The following MVB12B variants were observed in gnomAD, a reference collection of about 807,000 sequenced individuals.
MVB12B encodes the protein multivesicular body subunit 12B.
A neutral mutation model predicts 41.6 loss-of-function variants in MVB12B; 16 were observed. That is an observed-to-expected ratio of 0.38 (90% CI 0.26 to 0.58). MVB12B has a LOEUF of 0.58. MVB12B is among the 20% of genes least tolerant of loss of function. The pLI is 0.62. For synonymous variants in MVB12B, 133 were observed against 139.7 expected (o/e 0.95, Z 0.34); for missense variants, 274 against 380.2 (o/e 0.72, Z 2.32).
chr9:126,465,507 C>T (rs1341407894), intron 7 of MVB12B, among the ~76,000 whole-genome samples: 1 of 152,152 alleles, frequency 6.6e-6, no homozygotes, highest in Admixed American at 6.5e-5. Flanking sequence ...CTTCATTGCC[C>T]AAAAGCTGGG....
chr9:126,472,109 G>C (rs1034129688), intron 7 of MVB12B, among the ~76,000 whole-genome samples: 1 of 152,048 alleles, frequency 6.6e-6, no homozygotes, highest in Non-Finnish European at 1.5e-5. Flanking sequence ...GAGGGATAAG[G>C]GTTGGCGGCT....
At chr9:126,420,807 T>C (rs1831989661) in intron 6 of MVB12B, among the ~76,000 whole-genome samples, 1 of 151,636 alleles carries the variant, frequency 6.6e-6, no homozygotes, top group Middle Eastern at 3.2e-3. Context: ...CCTCCCAGAG[T>C]GCTGGGATTA....
chr9:126,458,164 G>T (rs1311424783), intron 7 of MVB12B, among the ~76,000 whole-genome samples: 1 of 152,096 alleles, frequency 6.6e-6, no homozygotes, highest in Non-Finnish European at 1.5e-5. Context: ...GTAACAGTCA[G>T]GAGACCCCTA....
intron 6 of MVB12B, among the ~76,000 whole-genome samples, chr9:126,421,049 G>A (rs560950433): frequency 2.5e-4 from 38 of 152,118 alleles, no homozygotes; most frequent in African/African-American, 8.7e-4. Flanking sequence ...AGGTTTTGTT[G>A]TTTTTTTCCC....
chr9:126,363,145 C>A lies in MVB12B; in HGVS notation c.205-17919C>A, dbSNP rs556196777. On this transcript the variant is annotated intron_variant, in intron 2 of 9. Coordinates refer to ENST00000361171, the MANE Select transcript of MVB12B (RefSeq NM_033446.3). ...GAGGTTGCAGTGAGCCGAGATTACACCATTGCACTCTAGCCTGGGTGACAG... is the reference window on the plus strand; with the variant it reads ...GAGGTTGCAGTGAGCCGAGATTACAACATTGCACTCTAGCCTGGGTGACAG... Among the ~76,000 whole-genome samples, 5 of 152,034 alleles carry A rather than the reference C, an allele frequency of 3.3e-5. No homozygotes were observed. In the South Asian group the frequency reaches 8.3e-4, roughly 25 times the overall value.
chr9:126,436,202 C>T lies in MVB12B; in HGVS notation c.757+14254C>T, dbSNP rs897312237. On this transcript the variant is annotated intron_variant, in intron 7 of 9. Coordinates refer to ENST00000361171, the MANE Select transcript of MVB12B (RefSeq NM_033446.3). The surrounding 1 kb of genome is among the most constrained non-coding windows in gnomAD (Gnocchi z 4.1). ...TTTTGCCAGGAGGCTCTCTCGTGTT[C>T]GGGCATTTGGGGTCCTTTCTGGTCT... Among the ~76,000 whole-genome samples, 1 of 152,176 alleles carries T rather than the reference C, an allele frequency of 6.6e-6. No homozygotes were observed.
At chr9:126,449,141 G>T (rs183063610) in intron 7 of MVB12B, among the ~76,000 whole-genome samples, 435 of 152,304 alleles carry the variant, frequency 2.9e-3, no homozygotes, top group Non-Finnish European at 4.8e-3. Context: ...GGCAGTTACT[G>T]AGGAAACTCC....
At chr9:126,439,389 C>G (rs955774438) in intron 7 of MVB12B, among the ~76,000 whole-genome samples, 1 of 152,192 alleles carries the variant, frequency 6.6e-6, no homozygotes, top group Admixed American at 6.5e-5. Context: ...AACACAGATT[C>G]TGTTAGAAAC....
chr9:126,431,178 C>A (rs867018235), intron 7 of MVB12B, among the ~76,000 whole-genome samples: 3 of 152,360 alleles, frequency 2.0e-5, no homozygotes, highest in South Asian at 2.1e-4. Flanking sequence ...GAGGAAATTT[C>A]TTCCTCAGTC....
intron 2 of MVB12B, among the ~76,000 whole-genome samples, chr9:126,364,322 C>G (rs1450297877): frequency 2.0e-5 from 3 of 152,214 alleles, no homozygotes; most frequent in Non-Finnish European, 4.4e-5. Flanking sequence ...TTCAACTTGT[C>G]TTCTCTTAAA....
chr9:126,471,383 G>A (rs972700079), intron 7 of MVB12B, among the ~76,000 whole-genome samples: 2 of 152,204 alleles, frequency 1.3e-5, no homozygotes, highest in Non-Finnish European at 2.9e-5. Flanking sequence ...CCTGTGCTCC[G>A]TCCTCCCGTG....
chr9:126,476,418 C>G (rs1001655218), intron 7 of MVB12B, among the ~76,000 whole-genome samples: 6 of 152,198 alleles, frequency 3.9e-5, no homozygotes, highest in African/African-American at 1.4e-4. Context: ...TGAGGGACTT[C>G]AGGGCCCACT....
rs1829420886 is a variant in MVB12B, at chr9:126,340,643, A to G, written c.204+13A>G. The G allele has an allele frequency of 6.2e-7, 1 of 1,612,436 alleles. No homozygotes were observed. Among genetic ancestry groups the G allele is most frequent in the Non-Finnish European group, 8.5e-7 (1 of 1,178,748 alleles). ...AGGCTATGACGTAGTAAGTCAAGAT[A>G]CTAGTTTGTACATTTTGCTCACTGA... On this transcript the variant is annotated intron_variant, in intron 2 of 9. Transcript: ENST00000361171. This position sits in a 1 kb window ranked among gnomAD's most constrained non-coding sequence, Gnocchi z 4.0.
At chr9:126,449,226 C>T (rs1188102213) in intron 7 of MVB12B, among the ~76,000 whole-genome samples, 1 of 152,198 alleles carries the variant, frequency 6.6e-6, no homozygotes, top group Non-Finnish European at 1.5e-5. Flanking sequence ...ACACGGGGCC[C>T]CCACACACCA....
At chr9:126,372,655 A>G (rs775987783) in intron 2 of MVB12B, among the ~76,000 whole-genome samples, 3 of 152,130 alleles carry the variant, frequency 2.0e-5, no homozygotes, top group Admixed American at 6.5e-5. Flanking sequence ...AAATAATCCT[A>G]TGAGGTAGGT....
Position 126,381,183 on chromosome 9 carries a change from C to A in MVB12B, c.312+12C>A. ...TTTCCAAAGAAAATGTAAGTCTAGT[C>A]GTAGTTTCCATTTGCTGAGTGAGCA... On this transcript the variant is annotated intron_variant, in intron 3 of 9. Transcript: ENST00000361171. 2 of 1,579,292 alleles carry A rather than the reference C, an allele frequency of 1.3e-6. No individual in the cohort carries two copies. The highest frequency in any genetic ancestry group is 1.1e-5 in the South Asian group (1 of 90,286).
intron 8 of MVB12B, among the ~76,000 whole-genome samples, chr9:126,482,074 G>A (rs1833534978): frequency 1.3e-5 from 2 of 152,232 alleles, no homozygotes; most frequent in Admixed American, 6.5e-5. Context: ...TGAGCTGGCC[G>A]GGACCAAAGG....
At chr9:126,479,355 C>T (rs1833479292) in intron 7 of MVB12B, among the ~76,000 whole-genome samples, 1 of 152,192 alleles carries the variant, frequency 6.6e-6, no homozygotes, top group Admixed American at 6.5e-5. Flanking sequence ...CACACCTCTT[C>T]CTGGATATCC....
intron 9 of MVB12B, among the ~76,000 whole-genome samples, chr9:126,502,544 A>C (rs10116709): frequency 0.48 from 70,798 of 146,728 alleles, 16,522 homozygotes; most frequent in Middle Eastern, 0.56. Flanking sequence ...AGGTCCCCCC[A>C]CCGGGCAGCT....
Sources: allele counts gnomAD v4.1 joint callset (sites outside exome capture counted in the v4.1 genomes callset), GRCh38; gene constraint gnomAD v4.1.1; non-coding constraint Gnocchi (gnomAD v3.1); transcripts MANE v1.5; gene names NCBI Gene and HGNC (gene_info 2026-07-23, HGNC 2026-07-21).